The following TENM3 variants were observed in gnomAD, a reference collection of about 807,000 sequenced individuals.
TENM3 encodes the protein teneurin-3.
A neutral mutation model predicts 255.1 loss-of-function variants in TENM3; 63 were observed. The ratio of observed to expected loss-of-function variants is 0.25; its 90% CI spans 0.20 to 0.30. The LOEUF (loss-of-function observed/expected upper bound fraction) is 0.30, where lower values mean the gene tolerates loss of function less well. Ranked by LOEUF, TENM3 falls within the 10% of genes least tolerant of loss-of-function variation. The pLI is 1.00. For synonymous variants in TENM3, 1,306 were observed against 1,322.3 expected (o/e 0.99, Z 0.27); for missense variants, 2,929 against 3,461.1 (o/e 0.85, Z 3.86).
intron 1 of TENM3, among the ~76,000 whole-genome samples, chr4:182,301,008 A>C (rs531843946): frequency 6.6e-6 from 1 of 152,286 alleles, no homozygotes; most frequent in African/African-American, 2.4e-5. Context: ...TTGAATTTTA[A>C]AGCTCTCCTT....
chr4:181,676,461 T>C, the TENM3 span, among the ~76,000 whole-genome samples: 1 of 152,102 alleles, frequency 6.6e-6, no homozygotes, highest in African/African-American at 2.4e-5. Flanking sequence ...GGAATACAAA[T>C]GGTCCTGTCA....
At chr4:181,819,592 A>G in the TENM3 span, among the ~76,000 whole-genome samples, 1 of 152,190 alleles carries the variant, frequency 6.6e-6, no homozygotes, top group Non-Finnish European at 1.5e-5. Flanking sequence ...TTCATGGAAG[A>G]CAATTTTCCA....
At chr4:181,596,453 AAGG>A in the TENM3 span, among the ~76,000 whole-genome samples, 1 of 152,168 alleles carries the variant, frequency 6.6e-6, no homozygotes, top group African/African-American at 2.4e-5. Flanking sequence ...GAGCCACAAC[AAGG>A]AGAAGTTGAG....
At chr4:182,405,323 A>C (rs1467443409) in intron 3 of TENM3, among the ~76,000 whole-genome samples, 1 of 152,202 alleles carries the variant, frequency 6.6e-6, no homozygotes, top group Non-Finnish European at 1.5e-5. Context: ...GAGAGAAAGA[A>C]CCCAAACCAA....
At chr4:182,465,102 A>G (rs1732461935) in intron 3 of TENM3, among the ~76,000 whole-genome samples, 1 of 152,212 alleles carries the variant, frequency 6.6e-6, no homozygotes, top group South Asian at 2.1e-4. Flanking sequence ...GGAGAGTTGC[A>G]TAAAATATTT....
chr4:181,968,338 A>G, the TENM3 span, among the ~76,000 whole-genome samples: 1 of 152,198 alleles, frequency 6.6e-6, no homozygotes, highest in African/African-American at 2.4e-5. Flanking sequence ...AACTTAAGGC[A>G]GGACATGTAA....
chr4:182,308,699 T>C (rs1284888467), intron 1 of TENM3, among the ~76,000 whole-genome samples: 3 of 152,192 alleles, frequency 2.0e-5, no homozygotes, highest in African/African-American at 7.2e-5. Context: ...CACAAAGGTA[T>C]AGGATACGTG....
At chr4:182,159,766 C>T (rs941222175) in intron 1 of TENM3, among the ~76,000 whole-genome samples, 5 of 152,212 alleles carry the variant, frequency 3.3e-5, no homozygotes, top group Admixed American at 2.6e-4. Context: ...ATGTCTTATC[C>T]GGGAGCAGCG....
the TENM3 span, among the ~76,000 whole-genome samples, chr4:181,496,032 A>G: frequency 6.6e-6 from 1 of 152,124 alleles, no homozygotes; most frequent in African/African-American, 2.4e-5. Flanking sequence ...AGTATCAGAC[A>G]CCTGCCAGAG....
chr4:182,732,391 T>C (rs1760837387), intron 16 of TENM3, among the ~76,000 whole-genome samples: 1 of 152,228 alleles, frequency 6.6e-6, no homozygotes, highest in Non-Finnish European at 1.5e-5. Context: ...CAGAAAATAT[T>C]CATTAATATA....
chr4:182,640,756 T>C (rs1752232456), intron 5 of TENM3, among the ~76,000 whole-genome samples: 1 of 152,246 alleles, frequency 6.6e-6, no homozygotes, highest in Non-Finnish European at 1.5e-5. Context: ...GTGTTTTGCT[T>C]TGAAATATAT....
At chr4:182,181,903 T>TA (rs397936973) in intron 1 of TENM3, among the ~76,000 whole-genome samples, 1 of 151,940 alleles carries the variant, frequency 6.6e-6, no homozygotes, top group Non-Finnish European at 1.5e-5. Context: ...TTTTTTTTTT[T>TA]AATTTTTGTT....
Position 182,793,601 on chromosome 4 carries a change from G to A in TENM3, c.6929G>A (p.Gly2310Glu). 1 of 1,613,966 alleles carries A rather than the reference G, an allele frequency of 6.2e-7. No homozygotes were observed. Among genetic ancestry groups the A allele is most frequent in the Non-Finnish European group, 8.5e-7 (1 of 1,179,872 alleles). Reference protein sequence around the residue: ...GTPLAVFSSNGLMLKQIQYTA... With the variant: ...GTPLAVFSSNELMLKQIQYTA... The stretch of plus-strand genomic sequence containing the variant: ...CCACTGGCTGTGTTCAGTAGCAATG[G>A]GCTTATGCTGAAACAGATTCAGTAC... Residue 2310 changes from glycine to glutamate, a missense_variant, in exon 26 of 28, where the codon GGG becomes GAG. Gly to Glu is a moderately conservative substitution (Grantham distance 98). Coordinates refer to ENST00000511685, the MANE Select transcript of TENM3 (RefSeq NM_001080477.4). This position sits in a 1 kb window ranked among gnomAD's most constrained non-coding sequence, Gnocchi z 5.7.
the TENM3 span, among the ~76,000 whole-genome samples, chr4:182,060,980 C>A: frequency 6.6e-6 from 1 of 152,122 alleles, no homozygotes; most frequent in Non-Finnish European, 1.5e-5. Context: ...CAATATGTCA[C>A]CTGTCTCAGA....
At chr4:182,757,126 C>T (rs1263357294) in intron 22 of TENM3, among the ~76,000 whole-genome samples, 1 of 151,896 alleles carries the variant, frequency 6.6e-6, no homozygotes, top group African/African-American at 2.4e-5. Flanking sequence ...TCCTGGCTAA[C>T]ACGGTGAAAC....
the TENM3 span, among the ~76,000 whole-genome samples, chr4:181,629,829 T>A: frequency 6.6e-6 from 1 of 152,250 alleles, no homozygotes; most frequent in Non-Finnish European, 1.5e-5. Flanking sequence ...AAGGCTTTGC[T>A]ATCAGGATGA....
chr4:182,498,519 T>C (rs994477217), intron 3 of TENM3, among the ~76,000 whole-genome samples: 8 of 152,106 alleles, frequency 5.3e-5, no homozygotes, highest in Non-Finnish European at 1.2e-4. Flanking sequence ...ATTAGCTTTT[T>C]CAGTGGCTTC....
intron 3 of TENM3, among the ~76,000 whole-genome samples, chr4:182,575,110 TAC>T (rs556144653): frequency 6.6e-6 from 1 of 151,696 alleles, no homozygotes. Context: ...ACAGAAGAAA[TAC>T]ACACACACAC....
rs544224898 is a variant in TENM3, at chr4:182,476,661, G to C, written c.512-124263G>C. On this transcript the variant is annotated intron_variant, in intron 3 of 27. Coordinates refer to ENST00000511685, the MANE Select transcript of TENM3 (RefSeq NM_001080477.4). ...CTGAATTTACTCATGCTTTCCTTAG[G>C]AGCCTCTATATCAACTGCAGAAGTG... Among the ~76,000 whole-genome samples the C allele has an allele frequency of 8.5e-5, 13 of 152,076 alleles. No homozygotes were observed. The South Asian group carries it at 2.5e-3, about 29-fold the overall frequency.
Sources: allele counts gnomAD v4.1 joint callset (sites outside exome capture counted in the v4.1 genomes callset), GRCh38; gene constraint gnomAD v4.1.1; non-coding constraint Gnocchi (gnomAD v3.1); transcripts MANE v1.5; gene names NCBI Gene and HGNC (gene_info 2026-07-23, HGNC 2026-07-21).